SERAC1: variants seen among roughly 807,000 people sequenced by gnomAD.
The protein encoded by SERAC1 is protein SERAC1.
Under a neutral mutation model 85.7 loss-of-function variants are expected in SERAC1, and 36 were observed. The observed-to-expected ratio is 0.42, with a 90% CI of 0.32 to 0.55. The LOEUF (loss-of-function observed/expected upper bound fraction) is 0.55. Ranked by LOEUF, SERAC1 falls within the 20% of genes least tolerant of loss-of-function variation. The pLI, the probability that SERAC1 is intolerant of heterozygous loss-of-function variation, is 0.11. For synonymous variants in SERAC1, 242 were observed against 265.3 expected (o/e 0.91, Z 0.85); for missense variants, 629 against 796.2 (o/e 0.79, Z 2.53).
At chr6:158,131,579 G>A (rs1210276775) in intron 8 of SERAC1, among the ~76,000 whole-genome samples, 5 of 151,624 alleles carry the variant, frequency 3.3e-5, no homozygotes, top group African/African-American at 1.2e-4. Flanking sequence ...ACACTAAGAA[G>A]CTACATTTGT....
Position 158,158,268 on chromosome 6 carries a change from C to T in SERAC1, c.91+5G>A. On this transcript the variant is annotated splice_donor_5th_base_variant and intron_variant, in intron 2 of 16. Transcript: ENST00000647468. Reference sequence around the variant, plus strand: ...GAAAATAAGAGTTGTTTAAGCTGTACTCACTGATATCTCTCCAGTGTGTGC... The same window carrying T: ...GAAAATAAGAGTTGTTTAAGCTGTATTCACTGATATCTCTCCAGTGTGTGC... The T allele has an allele frequency of 6.3e-7, 1 of 1,591,774 alleles. No individual in the cohort carries two copies. The highest frequency in any genetic ancestry group is 1.1e-5 in the South Asian group (1 of 90,454).
intron 3 of SERAC1, 151 bp downstream of exon 3, chr6:158,155,164 C>T (rs1287671938): frequency 2.4e-5 from 14 of 585,586 alleles, no homozygotes; most frequent in Non-Finnish European, 4.3e-5. Flanking sequence ...ATCATGACAA[C>T]ATTTAAGTGG....
At chr6:158,132,081 T>C (rs1330077249) in intron 8 of SERAC1, among the ~76,000 whole-genome samples, 1 of 152,146 alleles carries the variant, frequency 6.6e-6, no homozygotes, top group African/African-American at 2.4e-5. Flanking sequence ...TTGCTGTAGG[T>C]GCTTTGGAAG....
At chr6:158,152,285 G>A (rs1336444251) in intron 3 of SERAC1, among the ~76,000 whole-genome samples, 1 of 152,194 alleles carries the variant, frequency 6.6e-6, no homozygotes, top group Non-Finnish European at 1.5e-5. Context: ...GGAGGCCGAG[G>A]CGGGCGGATC....
intron 1 of SERAC1, chr6:158,161,341 C>T (rs1785482999): frequency 6.7e-6 from 1 of 149,696 alleles, no homozygotes; most frequent in African/African-American, 2.5e-5. Flanking sequence ...CATGATCACG[C>T]ACTACACTTT....
intron 7 of SERAC1, 134 bp from the exon 8 acceptor site, chr6:158,143,318 T>A: frequency 3.6e-6 from 1 of 277,842 alleles, no homozygotes; most frequent in Non-Finnish European, 6.1e-6. Flanking sequence ...TCTCTCTCTC[T>A]CTCTCTCTCT....
chr6:158,117,308 C>T lies in SERAC1; in HGVS notation c.1403+419G>A. On this transcript the variant is annotated intron_variant, in intron 13 of 16. Transcript: ENST00000647468. This position sits in a 1 kb window ranked among gnomAD's most constrained non-coding sequence, Gnocchi z 4.3. The stretch of plus-strand genomic sequence containing the variant: ...GTAACTCTGAAATCCAGCACTCCTT[C>T]CCATGTATACAACTGGCACAGATGA... The T allele has an allele frequency of 1.7e-6, 1 of 574,690 alleles. No homozygotes were observed. The highest frequency in any genetic ancestry group is 3.1e-5 in the Admixed American group (1 of 31,848). The allele number at this position is 574,690 out of a possible 1,614,324, so 35.6% of individuals were successfully genotyped here.
At chr6:158,130,081 G>T (rs560833296) in intron 9 of SERAC1, among the ~76,000 whole-genome samples, 1 of 152,330 alleles carries the variant, frequency 6.6e-6, no homozygotes, top group South Asian at 2.1e-4. Flanking sequence ...TCTGAGAAAG[G>T]CAGTAGAAGA....
chr6:158,126,084 A>C (rs1784533629), intron 10 of SERAC1, among the ~76,000 whole-genome samples: 2 of 152,194 alleles, frequency 1.3e-5, no homozygotes. Flanking sequence ...ACACACATAT[A>C]TGTGTACATA....
chr6:158,143,241 A>C, intron 7 of SERAC1, 57 bp from the exon 8 acceptor site: 1 of 1,585,302 alleles, frequency 6.3e-7, no homozygotes, highest in Non-Finnish European at 8.5e-7. Flanking sequence ...GTACAACAAA[A>C]AATATCCAAA....
chr6:158,144,638 G>A (rs1305049082), intron 6 of SERAC1, among the ~76,000 whole-genome samples: 1 of 152,110 alleles, frequency 6.6e-6, no homozygotes, highest in Non-Finnish European at 1.5e-5. Context: ...TATGGAGACC[G>A]GGTCACAGCC....
intron 15 of SERAC1, 130 bp downstream of exon 15, chr6:158,114,640 GCCCAACCCAAAATTTCCAT>G: frequency 8.7e-7 from 1 of 1,144,472 alleles, no homozygotes; most frequent in East Asian, 4.3e-5. Context: ...GAAAAATCAA[GCCCAACCCAAAATTTCCAT>G]GAATAGTCTA....
Position 158,117,915 on chromosome 6 carries a change from C to T in SERAC1, c.1309-94G>A. 1.1e-6 allele frequency: 1 copy of T among 917,828 alleles called. No homozygotes were observed. Among genetic ancestry groups the T allele is most frequent in the Non-Finnish European group, 1.7e-6 (1 of 584,420 alleles). The allele number at this position is 917,828 out of a possible 1,614,324, so 56.9% of individuals were successfully genotyped here. A position where few individuals can be genotyped will look rare whatever the true frequency, so the allele number is the denominator to read the frequency against. On this transcript the variant is annotated intron_variant, in intron 12 of 16. Transcript: ENST00000647468. The surrounding 1 kb of genome is among the most constrained non-coding windows in gnomAD (Gnocchi z 4.3). ...CAAATTTATAACTAAAGGCCTCTTGCACTATAATTAAAGATAGCACTGGAA... is the reference window on the plus strand; with the variant it reads ...CAAATTTATAACTAAAGGCCTCTTGTACTATAATTAAAGATAGCACTGGAA...
At position 158,119,007 on chromosome 6, in the gene SERAC1, C is replaced by A; in HGVS notation, c.1308+22G>T. The A allele has an allele frequency of 6.2e-7, 1 of 1,606,004 alleles. No individual in the cohort carries two copies. The highest frequency in any genetic ancestry group is 1.3e-5 in the African/African-American group (1 of 74,762). ...GCAACCAGGGCCCCAGCAACCAGGG[C>A]CAGAGTCAGTGGCTCCCTTACCTTG... On this transcript the variant is annotated intron_variant, in intron 12 of 16. Transcript: ENST00000647468. This position sits in a 1 kb window ranked among gnomAD's most constrained non-coding sequence, Gnocchi z 4.5.
chr6:158,138,389 C>T (rs986211165), intron 8 of SERAC1, among the ~76,000 whole-genome samples: 6 of 139,060 alleles, frequency 4.3e-5, no homozygotes, highest in African/African-American at 1.6e-4. Context: ...GAGTCGAGAT[C>T]ACACCACTGA....
intron 10 of SERAC1, among the ~76,000 whole-genome samples, chr6:158,122,734 A>G (rs1222180763): frequency 6.6e-6 from 1 of 152,148 alleles, no homozygotes; most frequent in African/African-American, 2.4e-5. Flanking sequence ...GAGCCAAGAT[A>G]GCGCCACTGC....
At chr6:158,167,344 C>T (rs1370509112) in intron 1 of SERAC1, among the ~76,000 whole-genome samples, 1 of 151,152 alleles carries the variant, frequency 6.6e-6, no homozygotes, top group East Asian at 2.0e-4. Flanking sequence ...TCCAGACCAG[C>T]CTGGCCAACA....
chr6:158,154,576 C>T (rs1381202111), intron 3 of SERAC1, among the ~76,000 whole-genome samples: 1 of 151,840 alleles, frequency 6.6e-6, no homozygotes, highest in Non-Finnish European at 1.5e-5. Flanking sequence ...ATATATATTC[C>T]TCCCCCTAAA....
At chr6:158,156,810 ATT>A in intron 2 of SERAC1, among the ~76,000 whole-genome samples, 1 of 138,426 alleles carries the variant, frequency 7.2e-6, no homozygotes, top group Non-Finnish European at 1.5e-5. Flanking sequence ...TGTATAATAT[ATT>A]TATATAATAT....
Sources: gnomAD v4.1 joint callset for allele counts (sites outside exome capture counted in the v4.1 genomes callset) on GRCh38, gnomAD v4.1.1 for gene constraint, Gnocchi (gnomAD v3.1) non-coding constraint, MANE v1.5 for transcripts, NCBI Gene and HGNC (gene_info 2026-07-23, HGNC 2026-07-21) for gene names.